ADAM22: variants seen among roughly 807,000 people sequenced by gnomAD.
ADAM22 encodes ADAM metallopeptidase domain 22.
ADAM22 carries 65 observed loss-of-function variants against 144.6 expected under a neutral mutation model. The ratio of observed to expected loss-of-function variants is 0.45; its 90% CI spans 0.37 to 0.55. The LOEUF (loss-of-function observed/expected upper bound fraction) is 0.55. ADAM22 is among the 20% of genes least tolerant of loss of function. ADAM22 has a pLI of 0.00. For synonymous variants in ADAM22, 391 were observed against 412.6 expected (o/e 0.95, Z 0.63); for missense variants, 974 against 1,184.9 (o/e 0.82, Z 2.61).
At chr7:87,958,193 A>G (rs865788318) in intron 2 of ADAM22, among the ~76,000 whole-genome samples, 1 of 152,098 alleles carries the variant, frequency 6.6e-6, no homozygotes. Flanking sequence ...ATGAGTTTCT[A>G]TGGAGTATAT....
chr7:88,186,844 G>C, intron 30 of ADAM22, 143 bp downstream of exon 30: 1 of 603,304 alleles, frequency 1.7e-6, no homozygotes, highest in South Asian at 2.1e-5. Context: ...GCTGCCTTTT[G>C]ACTCTGTTTT....
intron 3 of ADAM22, among the ~76,000 whole-genome samples, chr7:87,984,279 C>T (rs1584818643): frequency 6.6e-6 from 1 of 152,268 alleles, no homozygotes; most frequent in East Asian, 1.9e-4. Context: ...CAGACAGCTG[C>T]TCTGCCGGGC....
chr7:87,941,583 A>C (rs1037432581), intron 2 of ADAM22, among the ~76,000 whole-genome samples: 2 of 152,144 alleles, frequency 1.3e-5, no homozygotes, highest in Non-Finnish European at 2.9e-5. Flanking sequence ...ACTTTGTTCT[A>C]CTGCTATAAA....
rs1330419199 is a variant in ADAM22 at position 88,075,616 on chromosome 7, G to A, written c.324-10G>A. On this transcript the variant is annotated splice_polypyrimidine_tract_variant and intron_variant, in intron 3 of 31. Coordinates refer to ENST00000413139, the MANE Select transcript of ADAM22 (RefSeq NM_001324418.2). ...TCCTCTTTAGTCATCATTTATTTTTGTTGTTGCAGTGATTTGCTGTCCTCT... is the reference window on the plus strand; with the variant it reads ...TCCTCTTTAGTCATCATTTATTTTTATTGTTGCAGTGATTTGCTGTCCTCT... 1 of 1,612,192 alleles carries A rather than the reference G, an allele frequency of 6.2e-7. No individual in the cohort carries two copies. Among genetic ancestry groups the A allele is most frequent in the South Asian group, 1.1e-5 (1 of 90,926 alleles).
intron 31 of ADAM22, among the ~76,000 whole-genome samples, chr7:88,193,468 ATATT>A (rs1385175895): frequency 2.0e-5 from 3 of 152,218 alleles, no homozygotes; most frequent in Non-Finnish European, 4.4e-5. Flanking sequence ...TAATTGCTAT[ATATT>A]TAATTATTGT....
rs1172723849 is a variant in ADAM22 at position 88,163,088 on chromosome 7, A to C, written c.1984A>C (p.Met662Leu). The C allele has an allele frequency of 1.9e-6, 3 of 1,612,162 alleles. No individual in the cohort carries two copies. The highest frequency in any genetic ancestry group is 2.7e-5 in the African/African-American group (2 of 74,740). The part of the protein sequence containing the change: ...EDGTPCGPQM[M>L]CLEHRCLPVA... Reference sequence around the variant, plus strand: ...TGGGACACCTTGTGGTCCCCAAATGATGTGCTTAGAACACAGGTGTCTTCC... The same window carrying C: ...TGGGACACCTTGTGGTCCCCAAATGCTGTGCTTAGAACACAGGTGTCTTCC... The change falls in exon 23 of 32, where the codon ATG (methionine) becomes CTG (leucine). Residue 662 changes from methionine (M) to leucine (L), a missense_variant. Transcript: ENST00000413139.
intron 2 of ADAM22, among the ~76,000 whole-genome samples, chr7:87,943,825 G>A (rs962823406): frequency 3.3e-5 from 5 of 152,154 alleles, no homozygotes; most frequent in East Asian, 1.9e-4. Context: ...ATGTATCAGC[G>A]AGGTTAAATG....
chr7:87,975,392 C>T (rs1281166754), intron 2 of ADAM22, among the ~76,000 whole-genome samples: 1 of 152,168 alleles, frequency 6.6e-6, no homozygotes, highest in African/African-American at 2.4e-5. Flanking sequence ...CTAAATAGCT[C>T]CCAGCACTTG....
intron 3 of ADAM22, among the ~76,000 whole-genome samples, chr7:88,004,597 C>A (rs142572354): frequency 1.4e-4 from 22 of 152,166 alleles, no homozygotes; most frequent in African/African-American, 5.3e-4. Context: ...TTGTGTAAGG[C>A]CACCCCTGGA....
At chr7:88,163,775 C>T (rs965129901) in intron 23 of ADAM22, among the ~76,000 whole-genome samples, 1 of 152,038 alleles carries the variant, frequency 6.6e-6, no homozygotes, top group Non-Finnish European at 1.5e-5. Context: ...GTATCCTGTA[C>T]AGGTAAGTTT....
chr7:88,045,889 TG>T (rs1402432811), intron 3 of ADAM22, among the ~76,000 whole-genome samples: 1,575 of 6,594 alleles, frequency 0.24, 21 homozygotes, highest in African/African-American at 0.4. Context: ...CGTATTCTAT[TG>T]TGTGTGTGTG....
intron 3 of ADAM22, among the ~76,000 whole-genome samples, chr7:88,001,073 A>C (rs1307090962): frequency 6.6e-6 from 1 of 152,232 alleles, no homozygotes; most frequent in Non-Finnish European, 1.5e-5. Flanking sequence ...ATATCCTCCC[A>C]AAAAGTTACC....
intron 30 of ADAM22, among the ~76,000 whole-genome samples, chr7:88,191,411 G>A (rs536129575): frequency 2.8e-4 from 43 of 152,282 alleles, no homozygotes; most frequent in African/African-American, 9.9e-4. Context: ...AAGTAAACAA[G>A]ATTTAATTAT....
chr7:88,149,579 G>T (rs1338998963), intron 18 of ADAM22, among the ~76,000 whole-genome samples: 1 of 152,056 alleles, frequency 6.6e-6, no homozygotes, highest in Non-Finnish European at 1.5e-5. Flanking sequence ...ATTTCAAAAT[G>T]GTCACTGTAC....
rs751779843 is a variant in ADAM22 at position 88,075,709 on chromosome 7, T to C, written c.390+17T>C. 4.4e-6 allele frequency: 7 copies of C among 1,596,248 alleles called. No homozygotes were observed. The highest frequency in any genetic ancestry group is 5.2e-6 in the Non-Finnish European group (6 of 1,164,678). On this transcript the variant is annotated intron_variant, in intron 4 of 31. Coordinates refer to ENST00000413139, the MANE Select transcript of ADAM22 (RefSeq NM_001324418.2). ...GAAGTTAAAGTAAGTGAAATTTTCC[T>C]ACTTGTGGGGAAATTTGTTGAGAAT...
At chr7:87,971,198 T>C (rs1850367056) in intron 2 of ADAM22, among the ~76,000 whole-genome samples, 1 of 152,240 alleles carries the variant, frequency 6.6e-6, no homozygotes, top group Non-Finnish European at 1.5e-5. Flanking sequence ...AAGATTGTTT[T>C]TTATGTTTTG....
In ADAM22 at chr7:88,134,370, A is replaced by T. The variant is rs771365125; in HGVS notation, c.1119A>T (p.Ser373=). ...TAATGGCTGTTACACTTGCCCAGTC[A>T]TTAGCCCATAATATTGGTATTATCT... The part of the protein sequence containing the change: ...TDLMAVTLAQ[S]LAHNIGIISD... The change falls in exon 13 of 32, where the codon TCA becomes TCT. Residue 373 remains serine (S), a synonymous_variant. Transcript: ENST00000413139. The T allele has an allele frequency of 5.0e-6, 8 of 1,610,680 alleles. No homozygotes were observed. In the Admixed American group the frequency reaches 6.7e-5, roughly 14 times the overall value.
chr7:87,990,848 A>G (rs1327929842), intron 3 of ADAM22, among the ~76,000 whole-genome samples: 1 of 152,130 alleles, frequency 6.6e-6, no homozygotes, highest in African/African-American at 2.4e-5. Flanking sequence ...TATTTTTAGT[A>G]GAGACGGAGT....
At chr7:87,986,640 G>C (rs1257946365) in intron 3 of ADAM22, among the ~76,000 whole-genome samples, 1 of 152,172 alleles carries the variant, frequency 6.6e-6, no homozygotes, top group Admixed American at 6.5e-5. Flanking sequence ...GCTTACTAGA[G>C]TAGCATCAGG....
Sources: gnomAD v4.1 joint callset for allele counts (sites outside exome capture counted in the v4.1 genomes callset) on GRCh38, gnomAD v4.1.1 for gene constraint, MANE v1.5 for transcripts, NCBI Gene and HGNC (gene_info 2026-07-23, HGNC 2026-07-21) for gene names.